Variants in LRRIQ3 observed in about 807,000 individuals in gnomAD.
LRRIQ3 encodes leucine-rich repeat and IQ domain-containing protein 3.
In LRRIQ3, 75 loss-of-function variants were observed where a neutral mutation model predicts 59.3. The ratio of observed to expected loss-of-function variants is 1.26; its 90% CI spans 1.05 to 1.53. LRRIQ3 has a LOEUF of 1.53. Ranked by LOEUF, LRRIQ3 falls within the 40% of genes most tolerant of loss-of-function variation. LRRIQ3 has a pLI of 0.00. For missense variants in LRRIQ3, 831 were observed against 710.0 expected, an observed-to-expected ratio of 1.17 and a Z score of -1.94; for synonymous variants, 250 against 231.3, an observed-to-expected ratio of 1.08 and a Z score of -0.73.
chr1:74,056,364 G>A (rs1654536781), intron 6 of LRRIQ3, among the ~76,000 whole-genome samples: 1 of 151,972 alleles, frequency 6.6e-6, no homozygotes, highest in African/African-American at 2.4e-5. Context: ...ACTAGAAGTT[G>A]CAGCCAGAGC....
At chr1:74,186,454 T>C (rs1340620259) in intron 1 of LRRIQ3, among the ~76,000 whole-genome samples, 1 of 152,214 alleles carries the variant, frequency 6.6e-6, no homozygotes, top group Non-Finnish European at 1.5e-5. Flanking sequence ...AAATTTTAGC[T>C]ATTAGATGAA....
intron 3 of LRRIQ3, among the ~76,000 whole-genome samples, chr1:74,176,935 A>C (rs1171632949): frequency 1.3e-5 from 2 of 152,134 alleles, no homozygotes; most frequent in African/African-American, 4.8e-5. Context: ...AAAAAGGTAG[A>C]GGTCTAAACT....
intron 4 of LRRIQ3, among the ~76,000 whole-genome samples, chr1:74,150,286 T>A (rs889703831): frequency 6.6e-6 from 1 of 152,168 alleles, no homozygotes; most frequent in Non-Finnish European, 1.5e-5. Flanking sequence ...AACCACAGAC[T>A]CTTCTCACAT....
At chr1:74,156,924 C>T (rs375046383) in intron 3 of LRRIQ3, among the ~76,000 whole-genome samples, 1 of 151,966 alleles carries the variant, frequency 6.6e-6, no homozygotes, top group Non-Finnish European at 1.5e-5. Context: ...TTGCATTGTT[C>T]ATGAAGCACC....
intron 7 of LRRIQ3, among the ~76,000 whole-genome samples, chr1:74,030,278 A>G (rs576828233): frequency 2.5e-4 from 38 of 152,264 alleles, no homozygotes; most frequent in Admixed American, 4.6e-4. Flanking sequence ...TTCATATGGA[A>G]CCAAAAAAGA....
At chr1:74,114,332 T>C (rs1187320446) in intron 4 of LRRIQ3, among the ~76,000 whole-genome samples, 1 of 152,082 alleles carries the variant, frequency 6.6e-6, no homozygotes, top group African/African-American at 2.4e-5. Context: ...TCTAATTTAA[T>C]AGTACAAAAA....
rs1650144261 is a variant in LRRIQ3 at position 74,183,512 on chromosome 1, G to C, written c.173C>G (p.Ser58Ter). The C allele has an allele frequency of 6.2e-7, 1 of 1,610,786 alleles. No individual in the cohort carries two copies. The highest frequency in any genetic ancestry group is 1.1e-5 in the South Asian group (1 of 90,708). ...SCISLRVCIF[S>*]NNFITDIHPL... ...ATGAATATCTGTAATAAAATTGTTT[G>C]AGAAGATGCATACTCTAAGAGAGAT... Residue 58 changes from serine to a stop codon, truncating the protein, a stop_gained, in exon 2 of 8, where the codon TCA (serine) becomes TGA (stop). Transcript: ENST00000354431. LOFTEE classifies it high-confidence loss of function.
chr1:74,033,474 G>A (rs1401502657), intron 7 of LRRIQ3, among the ~76,000 whole-genome samples: 1 of 151,898 alleles, frequency 6.6e-6, no homozygotes, highest in Non-Finnish European at 1.5e-5. Context: ...AAGGAGTTGA[G>A]GAAGAAAGGA....
At chr1:74,102,714 G>A (rs1470392909) in intron 5 of LRRIQ3, among the ~76,000 whole-genome samples, 1 of 151,894 alleles carries the variant, frequency 6.6e-6, no homozygotes, top group Non-Finnish European at 1.5e-5. Flanking sequence ...GATGCATTGT[G>A]TCATTTGATA....
In LRRIQ3 at chr1:74,060,794, T is replaced by A. The variant is rs78252716; in HGVS notation, c.997+13867A>T. On this transcript the variant is annotated intron_variant, in intron 6 of 7. Coordinates refer to ENST00000354431, the MANE Select transcript of LRRIQ3 (RefSeq NM_001105659.2). The stretch of plus-strand genomic sequence containing the variant: ...AAGACCGGTGCACTCCAAGCAGATC[T>A]TCAGAAGGAAGGCATTGAGAGTGGA... Among the ~76,000 whole-genome samples, 36 of 152,128 alleles carry A rather than the reference T, an allele frequency of 2.4e-4. No homozygotes were observed. The East Asian group carries it at 6.0e-3, about 25-fold the overall frequency.
chr1:74,137,706 A>G (rs1382684084), intron 4 of LRRIQ3, among the ~76,000 whole-genome samples: 4 of 152,142 alleles, frequency 2.6e-5, no homozygotes, highest in East Asian at 1.9e-4. Context: ...ATGTCCATCA[A>G]TGATAGACTG....
At chr1:74,191,206 T>A (rs573925086) in intron 1 of LRRIQ3, among the ~76,000 whole-genome samples, 44 of 152,240 alleles carry the variant, frequency 2.9e-4, no homozygotes, top group African/African-American at 1.1e-3. Flanking sequence ...GGTGCAAAAT[T>A]ATTCTTTAAA....
chr1:74,135,354 A>G (rs996868655), intron 4 of LRRIQ3, among the ~76,000 whole-genome samples: 4 of 152,062 alleles, frequency 2.6e-5, no homozygotes, highest in East Asian at 1.9e-4. Flanking sequence ...TGACAACACA[A>G]TAAATCAACA....
intron 4 of LRRIQ3, among the ~76,000 whole-genome samples, chr1:74,141,319 T>A (rs1463123314): frequency 6.6e-6 from 1 of 151,836 alleles, no homozygotes; most frequent in African/African-American, 2.4e-5. Context: ...GATTATCAAT[T>A]CAAAATACAA....
chr1:74,028,876 G>A (rs1157700538), intron 7 of LRRIQ3, among the ~76,000 whole-genome samples: 3 of 151,902 alleles, frequency 2.0e-5, no homozygotes, highest in Non-Finnish European at 4.4e-5. Flanking sequence ...AATCAGGAGA[G>A]TAGTCAGGTC....
chr1:74,050,620 G>A (rs900212731), intron 6 of LRRIQ3: 1 of 975,222 alleles, frequency 1.0e-6, no homozygotes, highest in Non-Finnish European at 1.2e-6. Flanking sequence ...GCATAGCTGT[G>A]ATTTGAATGC....
chr1:74,082,932 A>G (rs1646288869), intron 5 of LRRIQ3: 1 of 151,626 alleles, frequency 6.6e-6, no homozygotes, highest in Non-Finnish European at 1.5e-5. Context: ...GGATTTCAGA[A>G]TATTTCTTAA....
intron 1 of LRRIQ3, among the ~76,000 whole-genome samples, chr1:74,187,399 A>C (rs1302665450): frequency 6.6e-6 from 1 of 151,768 alleles, no homozygotes; most frequent in Non-Finnish European, 1.5e-5. Context: ...AATACCACTC[A>C]GCCACAAAAA....
intron 4 of LRRIQ3, among the ~76,000 whole-genome samples, chr1:74,134,228 C>T (rs1242926935): frequency 4.6e-5 from 7 of 151,934 alleles, no homozygotes; most frequent in Admixed American, 4.6e-4. Flanking sequence ...TAGAAATTCA[C>T]TAAAGGCATA....
Sources: gnomAD v4.1 joint callset for allele counts (sites outside exome capture counted in the v4.1 genomes callset) on GRCh38, gnomAD v4.1.1 for gene constraint, MANE v1.5 for transcripts, NCBI Gene and HGNC (gene_info 2026-07-23, HGNC 2026-07-21) for gene names.